IL1RAPL1: variants seen among roughly 807,000 people sequenced by gnomAD.
The protein encoded by IL1RAPL1 is interleukin-1 receptor accessory protein-like 1.
A neutral mutation model predicts 48.4 loss-of-function variants in IL1RAPL1; 3 were observed. The ratio of observed to expected loss-of-function variants is 0.06; its 90% CI spans 0.03 to 0.16. IL1RAPL1 has a LOEUF of 0.16. Ranked by LOEUF, IL1RAPL1 falls within the 10% of genes least tolerant of loss-of-function variation. The pLI, the probability that IL1RAPL1 is intolerant of heterozygous loss-of-function variation, is 1.00. For missense variants in IL1RAPL1, 349 were observed against 530.6 expected (o/e 0.66, Z 3.36); for synonymous variants, 185 against 187.7 (o/e 0.99, Z 0.12).
chrX:29,615,932 A>G (rs924717214), intron 5 of IL1RAPL1, among the ~76,000 whole-genome samples: 2 of 111,643 alleles, frequency 1.8e-5, no homozygotes, highest in African/African-American at 6.5e-5. Flanking sequence ...TGGTTCCAAC[A>G]TCTTATGCCT....
intron 6 of IL1RAPL1, among the ~76,000 whole-genome samples, chrX:29,777,533 A>G (rs1929229071): frequency 8.9e-6 from 1 of 111,868 alleles, no homozygotes. Context: ...TAATTGGACA[A>G]TTCTGATTTT....
At chrX:29,563,795 G>A (rs1450995338) in intron 5 of IL1RAPL1, among the ~76,000 whole-genome samples, 1 of 112,014 alleles carries the variant, frequency 8.9e-6, no homozygotes, top group African/African-American at 3.2e-5. Flanking sequence ...TGACATTGTT[G>A]ATGGATTCGA....
intron 2 of IL1RAPL1, among the ~76,000 whole-genome samples, chrX:29,228,101 G>A (rs1404844768): frequency 9.4e-6 from 1 of 106,510 alleles, no homozygotes; most frequent in Non-Finnish European, 1.9e-5. Flanking sequence ...TATCCTTGAT[G>A]TCAGAAGCTA....
rs756857321 is a variant in IL1RAPL1, at chrX:28,969,468, CT to C, written c.82+180056del. ...AGCCAGCTTCCCATTATATAGAAAG[CT>C]TTTTTTTTTTTTCAGTGTAGGCATT... is the stretch of plus-strand genomic sequence containing the variant. On this transcript the variant is annotated intron_variant, in intron 2 of 10. Coordinates refer to ENST00000378993, the MANE Select transcript of IL1RAPL1 (RefSeq NM_014271.4). Among the ~76,000 whole-genome samples the C allele has an allele frequency of 5.4e-3, 530 of 98,164 alleles. 1 individual carries two copies. Among genetic ancestry groups the C allele is most frequent in the East Asian group, 6.0e-3 (19 of 3,161 alleles). The allele number at this position is 98,164 out of a possible 115,157, so 85.2% of individuals were successfully genotyped here.
intron 1 of IL1RAPL1, among the ~76,000 whole-genome samples, chrX:28,722,768 T>C (rs905565078): frequency 1.4e-4 from 16 of 111,663 alleles, no homozygotes; most frequent in African/African-American, 4.2e-4. Flanking sequence ...ATACGTCCCA[T>C]CAATACCTAA....
intron 1 of IL1RAPL1, among the ~76,000 whole-genome samples, chrX:28,713,890 T>C (rs980792814): frequency 1.8e-5 from 2 of 111,751 alleles, no homozygotes; most frequent in African/African-American, 6.5e-5. Context: ...GAACCTTGAT[T>C]GAAATGTAAA....
chrX:29,732,224 T>G (rs1199306237), intron 6 of IL1RAPL1, among the ~76,000 whole-genome samples: 1 of 111,917 alleles, frequency 8.9e-6, no homozygotes, highest in Non-Finnish European at 1.9e-5. Flanking sequence ...GACATTAGTC[T>G]TCTTTGGAAA....
intron 2 of IL1RAPL1, among the ~76,000 whole-genome samples, chrX:28,816,425 G>A (rs1281277540): frequency 9.1e-6 from 1 of 109,933 alleles, no homozygotes; most frequent in African/African-American, 3.3e-5. Context: ...AGTCCCCAGT[G>A]TCTTTTGTTG....
chrX:29,571,963 A>C (rs1602303742), intron 5 of IL1RAPL1, among the ~76,000 whole-genome samples: 1 of 112,178 alleles, frequency 8.9e-6, no homozygotes, highest in East Asian at 2.8e-4. Flanking sequence ...AAAATCTGGC[A>C]AGGACCTTTA....
At chrX:29,834,565 G>GTTACCACT (rs1748467790) in intron 6 of IL1RAPL1, among the ~76,000 whole-genome samples, 1 of 95,165 alleles carries the variant, frequency 1.1e-5, no homozygotes, top group Non-Finnish European at 2.1e-5. Context: ...AGTGGAATAT[G>GTTACCACT]TTACCACTTT....
rs746944766 is a variant in IL1RAPL1 at position 29,220,691 on chromosome X, C to A, written c.83-62247C>A. Among the ~76,000 whole-genome samples, 14 of 111,975 alleles carry A rather than the reference C, an allele frequency of 1.3e-4. No individual in the cohort carries two copies. In the South Asian group the frequency reaches 5.2e-3, roughly 41 times the overall value. On this transcript the variant is annotated intron_variant, in intron 2 of 10. Coordinates refer to ENST00000378993, the MANE Select transcript of IL1RAPL1 (RefSeq NM_014271.4). ...AAAATCTAACATAATACAACAAATA[C>A]ATAGATCTTCTGATGTTCTTCTTTT...
In IL1RAPL1 at chrX:29,230,522, A is replaced by AAAAAAAC. The variant is rs1931178467; in HGVS notation, c.83-52410_83-52409insCAAAAAA. On this transcript the variant is annotated intron_variant, in intron 2 of 10. Transcript: ENST00000378993. ...CCTTTACCAAAAAAAAAAAAAAAAA[A>AAAAAAAC]AAAAAAAAAAAAACCTTGTTGTCTC... Among the ~76,000 whole-genome samples, 7 of 90,826 alleles carry AAAAAAAC rather than the reference A, an allele frequency of 7.7e-5. 1 individual carries two copies. The East Asian group carries it at 1.1e-3, about 14-fold the overall frequency. 78.9% of individuals were successfully genotyped at this position (90,826 alleles called of 115,157 possible). A position where few individuals can be genotyped will look rare whatever the true frequency, so the allele number is the denominator to read the frequency against.
chrX:29,766,099 G>T (rs1928877326), intron 6 of IL1RAPL1, among the ~76,000 whole-genome samples: 1 of 108,210 alleles, frequency 9.2e-6, no homozygotes, highest in East Asian at 2.9e-4. Flanking sequence ...GGGAGGCCGA[G>T]GTGGACGGAT....
At chrX:29,791,046 C>A (rs1929617605) in intron 6 of IL1RAPL1, among the ~76,000 whole-genome samples, 1 of 110,871 alleles carries the variant, frequency 9.0e-6, no homozygotes, top group Non-Finnish European at 1.9e-5. Context: ...TCTTTCTCTG[C>A]ATCATGGTTT....
intron 2 of IL1RAPL1, among the ~76,000 whole-genome samples, chrX:29,021,181 C>A (rs1324491052): frequency 1.0e-5 from 1 of 97,016 alleles, no homozygotes; most frequent in Non-Finnish European, 2.0e-5. Context: ...CCACTGCACT[C>A]CAGCCTGGCA....
At chrX:29,856,801 A>G (rs1173623266) in intron 6 of IL1RAPL1, among the ~76,000 whole-genome samples, 9 of 111,920 alleles carry the variant, frequency 8.0e-5, no homozygotes, top group Admixed American at 7.6e-4. Context: ...TGAATTACAC[A>G]CAGACTACAT....
intron 5 of IL1RAPL1, among the ~76,000 whole-genome samples, chrX:29,621,353 G>A (rs1052430211): frequency 1.8e-5 from 2 of 111,037 alleles, no homozygotes; most frequent in African/African-American, 6.5e-5. Context: ...ATGAGTATAT[G>A]TACACATATA....
At chrX:28,637,026 C>G (rs574423424) in intron 1 of IL1RAPL1, among the ~76,000 whole-genome samples, 113 of 111,470 alleles carry the variant, frequency 1.0e-3, no homozygotes, top group African/African-American at 3.6e-3. Flanking sequence ...AAATAAAAAG[C>G]ATCTTCTTAG....
chrX:29,787,785 A>G (rs1929535404), intron 6 of IL1RAPL1, among the ~76,000 whole-genome samples: 1 of 111,977 alleles, frequency 8.9e-6, no homozygotes, highest in Non-Finnish European at 1.9e-5. Flanking sequence ...TGTCAGTATA[A>G]CTTAATGTTT....
Sources: allele counts gnomAD v4.1 joint callset (sites outside exome capture counted in the v4.1 genomes callset), GRCh38; gene constraint gnomAD v4.1.1; transcripts MANE v1.5; gene names NCBI Gene and HGNC (gene_info 2026-07-23, HGNC 2026-07-21).